The following IMMP1L variants were observed in gnomAD, a reference collection of about 807,000 sequenced individuals.
IMMP1L encodes mitochondrial inner membrane protease subunit 1.
IMMP1L carries 24 observed loss-of-function variants against 21.8 expected under a neutral mutation model. The observed-to-expected ratio is 1.10, with a 90% CI of 0.80 to 1.55. IMMP1L has a LOEUF of 1.55. Among genes scored for constraint, IMMP1L ranks in the 40% most tolerant of loss-of-function variants. The pLI, the probability that IMMP1L is intolerant of heterozygous loss-of-function variation, is 0.00. For synonymous variants in IMMP1L, 46 were observed against 62.8 expected, an observed-to-expected ratio of 0.73 and a Z score of 1.26; for missense variants, 195 against 200.7, an observed-to-expected ratio of 0.97 and a Z score of 0.17.
chr11:31,498,465 A>C (rs528713527), intron 1 of IMMP1L, among the ~76,000 whole-genome samples: 1 of 152,268 alleles, frequency 6.6e-6, no homozygotes, highest in Admixed American at 6.5e-5. Flanking sequence ...TGAAACTCAA[A>C]ATCTTTCACC....
intron 4 of IMMP1L, among the ~76,000 whole-genome samples, chr11:31,452,035 GACA>G (rs1308547735): frequency 6.6e-6 from 1 of 152,172 alleles, no homozygotes; most frequent in African/African-American, 2.4e-5. Context: ...TCACTGGAGA[GACA>G]ACAAGAGAAG....
chr11:31,492,059 A>G (rs1202558110), intron 1 of IMMP1L, among the ~76,000 whole-genome samples: 1 of 152,188 alleles, frequency 6.6e-6, no homozygotes, highest in Non-Finnish European at 1.5e-5. Context: ...TCCCCTTAGG[A>G]GAGTGAGCCT....
Position 31,433,535 on chromosome 11 carries a change from A to C in IMMP1L, c.357T>G (p.Asn119Lys). Residue 119 changes from asparagine to lysine, a missense_variant, in exon 5 of 6, where the codon AAT becomes AAG. Asn to Lys is a moderately conservative substitution (Grantham distance 94). Coordinates refer to ENST00000532287, the MANE Select transcript of IMMP1L (RefSeq NM_001304274.2). Reference protein sequence around the residue: ...PMGHVWLEGDNLQNSTDSRCY... With the variant: ...PMGHVWLEGDKLQNSTDSRCY... The stretch of plus-strand genomic sequence containing the variant: ...ACCTGGAATCTGTAGAATTCTGTAG[A>C]TTGTCACCTTCTAACCAAACATGAC... The C allele has an allele frequency of 1.2e-6, 2 of 1,612,202 alleles. No individual in the cohort carries two copies. The highest frequency in any genetic ancestry group is 1.7e-5 in the Admixed American group (1 of 59,952).
At chr11:31,438,008 G>A (rs1167366637) in intron 4 of IMMP1L, among the ~76,000 whole-genome samples, 1 of 152,136 alleles carries the variant, frequency 6.6e-6, no homozygotes, top group Non-Finnish European at 1.5e-5. Flanking sequence ...GTTGTTTGCA[G>A]TTTGGTGCTA....
chr11:31,434,960 A>C (rs1953070586), intron 4 of IMMP1L, among the ~76,000 whole-genome samples: 1 of 152,172 alleles, frequency 6.6e-6, no homozygotes, highest in Admixed American at 6.5e-5. Flanking sequence ...CACAGTCATC[A>C]AAAAAGGAAC....
At chr11:31,495,879 A>G (rs1294850241) in intron 1 of IMMP1L, among the ~76,000 whole-genome samples, 1 of 152,196 alleles carries the variant, frequency 6.6e-6, no homozygotes, top group African/African-American at 2.4e-5. Context: ...AAATAGATCA[A>G]AAACCTAAAT....
rs866599171 is a variant in IMMP1L, at chr11:31,446,217, A to G, written c.321+10043T>C. On this transcript the variant is annotated intron_variant, in intron 4 of 5. Coordinates refer to ENST00000532287, the MANE Select transcript of IMMP1L (RefSeq NM_001304274.2). ...TTTCTTCCAGCATCCAATCTTCTCT[A>G]GATTATTTCCTTAATCTTTCTGCAA... is the stretch of plus-strand genomic sequence containing the variant. Among the ~76,000 whole-genome samples, 6 of 152,214 alleles carry G rather than the reference A, an allele frequency of 3.9e-5. No individual in the cohort carries two copies. In the South Asian group the frequency reaches 1.2e-3, roughly 32 times the overall value.
chr11:31,463,166 A>T lies in IMMP1L; in HGVS notation c.105+6T>A. On this transcript the variant is annotated splice_donor_region_variant and intron_variant, in intron 2 of 5. Coordinates refer to ENST00000532287, the MANE Select transcript of IMMP1L (RefSeq NM_001304274.2). ...AAGATGAATATTCTTGAACATAAAAACTTACCATGACAACACCACCAACGT... is the reference window on the plus strand; with the variant it reads ...AAGATGAATATTCTTGAACATAAAATCTTACCATGACAACACCACCAACGT... The T allele has an allele frequency of 6.3e-7, 1 of 1,593,826 alleles. No homozygotes were observed. The highest frequency in any genetic ancestry group is 8.5e-7 in the Non-Finnish European group (1 of 1,171,744).
At chr11:31,452,754 T>TC in intron 4 of IMMP1L, 1 of 1,010,240 alleles carries the variant, frequency 9.9e-7, no homozygotes, top group Non-Finnish European at 1.2e-6. Flanking sequence ...TCTTTTTTTT[T>TC]CTTTTCTTTT....
At chr11:31,445,150 A>G (rs1297967024) in intron 4 of IMMP1L, among the ~76,000 whole-genome samples, 1 of 152,204 alleles carries the variant, frequency 6.6e-6, no homozygotes, top group African/African-American at 2.4e-5. Context: ...GCCCAACTTA[A>G]TTCAACAAAG....
chr11:31,507,008 G>A (rs751182404), intron 1 of IMMP1L, among the ~76,000 whole-genome samples: 23 of 151,544 alleles, frequency 1.5e-4, no homozygotes, highest in Non-Finnish European at 2.9e-4. Context: ...TGGCTGACGC[G>A]CTGGCTCACA....
chr11:31,484,487 A>T (rs1051034158), intron 1 of IMMP1L, among the ~76,000 whole-genome samples: 20 of 151,960 alleles, frequency 1.3e-4, no homozygotes, highest in African/African-American at 4.6e-4. Context: ...TTCATTGTGT[A>T]GTTGTCATAG....
intron 1 of IMMP1L, among the ~76,000 whole-genome samples, chr11:31,466,644 A>C (rs1055814692): frequency 1.3e-5 from 2 of 152,124 alleles, no homozygotes; most frequent in African/African-American, 4.8e-5. Flanking sequence ...TGTTAAGAGA[A>C]ATAAATCTGG....
intron 4 of IMMP1L, among the ~76,000 whole-genome samples, chr11:31,454,889 A>G (rs1953888864): frequency 6.6e-6 from 1 of 152,206 alleles, no homozygotes; most frequent in African/African-American, 2.4e-5. Flanking sequence ...ACATGATGCT[A>G]AAGTAATTTA....
At chr11:31,492,048 A>T (rs1488935218) in intron 1 of IMMP1L, among the ~76,000 whole-genome samples, 2 of 152,226 alleles carry the variant, frequency 1.3e-5, no homozygotes, top group East Asian at 1.9e-4. Context: ...AGTTGCCATT[A>T]TCCCCTTAGG....
intron 1 of IMMP1L, among the ~76,000 whole-genome samples, chr11:31,507,172 G>C (rs1480036236): frequency 6.7e-6 from 1 of 150,114 alleles, no homozygotes; most frequent in African/African-American, 2.5e-5. Context: ...CCAGCTACTC[G>C]GGAGGCTGAG....
chr11:31,484,476 T>G (rs1955005455), intron 1 of IMMP1L, among the ~76,000 whole-genome samples: 1 of 151,948 alleles, frequency 6.6e-6, no homozygotes, highest in South Asian at 2.1e-4. Context: ...CTGTAGAGTA[T>G]TTCATTGTGT....
chr11:31,509,164 A>C (rs1038976439), intron 1 of IMMP1L, among the ~76,000 whole-genome samples: 1 of 152,214 alleles, frequency 6.6e-6, no homozygotes, highest in African/African-American at 2.4e-5. Flanking sequence ...GGAAAACCAG[A>C]TAGCCTCAAA....
intron 3 of IMMP1L, among the ~76,000 whole-genome samples, chr11:31,459,419 G>A (rs1324952590): frequency 2.0e-5 from 3 of 152,150 alleles, no homozygotes; most frequent in African/African-American, 4.8e-5. Flanking sequence ...AGCAGGCATA[G>A]ATTTTTTTCA....
Sources: gnomAD v4.1 joint callset for allele counts (sites outside exome capture counted in the v4.1 genomes callset) on GRCh38, gnomAD v4.1.1 for gene constraint, MANE v1.5 for transcripts, NCBI Gene and HGNC (gene_info 2026-07-23, HGNC 2026-07-21) for gene names.